Variants in DNAJC3 observed in about 807,000 individuals in gnomAD.
The protein encoded by DNAJC3 is DnaJ heat shock protein family (Hsp40) member C3.
In DNAJC3, 38 loss-of-function variants were observed where a neutral mutation model predicts 68.6. The observed-to-expected ratio is 0.55, with a 90% CI of 0.43 to 0.73. The LOEUF (loss-of-function observed/expected upper bound fraction) is 0.73, where lower values mean the gene tolerates loss of function less well. DNAJC3 is among the 30% of genes least tolerant of loss of function. DNAJC3 has a pLI of 0.00. For synonymous variants in DNAJC3, 203 were observed against 204.0 expected (o/e 1.00, Z 0.04); for missense variants, 526 against 591.9 (o/e 0.89, Z 1.16).
rs17883975 is a variant in DNAJC3, at chr13:95,761,401, G to C, written c.848+603G>C. Among the ~76,000 whole-genome samples, 233 of 152,292 alleles carry C rather than the reference G, an allele frequency of 1.5e-3. 1 individual carries two copies. Among genetic ancestry groups the C allele is most frequent in the African/African-American group, 5.3e-3 (221 of 41,558 alleles). The stretch of plus-strand genomic sequence containing the variant: ...AGGCTGGGCAGGAGGACTGAAAAGA[G>C]TAGAGGGCACTGCAGACAAAACTGC... On this transcript the variant is annotated intron_variant, in intron 7 of 11. Coordinates refer to ENST00000602402, the MANE Select transcript of DNAJC3 (RefSeq NM_006260.5).
intron 4 of DNAJC3, among the ~76,000 whole-genome samples, chr13:95,727,303 CTG>C (rs2139645331): frequency 6.6e-6 from 1 of 152,098 alleles, no homozygotes; most frequent in East Asian, 1.9e-4. Context: ...TTCTGGATAA[CTG>C]AGATCTTGGT....
At chr13:95,681,741 T>C (rs1471290608) in intron 1 of DNAJC3, among the ~76,000 whole-genome samples, 1 of 152,238 alleles carries the variant, frequency 6.6e-6, no homozygotes, top group Non-Finnish European at 1.5e-5. Flanking sequence ...ACTATGTCTA[T>C]TCTTGAAAAT....
chr13:95,726,368 C>T (rs1045989697), intron 4 of DNAJC3, among the ~76,000 whole-genome samples: 4 of 152,150 alleles, frequency 2.6e-5, no homozygotes, highest in African/African-American at 4.8e-5. Flanking sequence ...ATTGCCATTC[C>T]AACTGGTGTG....
chr13:95,727,392 C>T (rs891328620), intron 4 of DNAJC3, among the ~76,000 whole-genome samples: 2 of 152,212 alleles, frequency 1.3e-5, no homozygotes, highest in Admixed American at 6.5e-5. Flanking sequence ...GGTGGACTCT[C>T]ACAGACCTTC....
chr13:95,705,520 C>T (rs796664496), intron 1 of DNAJC3, among the ~76,000 whole-genome samples: 2,351 of 142,048 alleles, frequency 0.017, 64 homozygotes, highest in African/African-American at 0.059. Flanking sequence ...CTCTCTCTCT[C>T]TTTTTTTTTT....
chr13:95,762,080 C>T (rs1198544480), intron 7 of DNAJC3, among the ~76,000 whole-genome samples: 12 of 152,052 alleles, frequency 7.9e-5, no homozygotes, highest in Admixed American at 2.0e-4. Flanking sequence ...CTGACCAACA[C>T]GGAGAAACCC....
chr13:95,757,435 A>C (rs1442823698), intron 4 of DNAJC3, among the ~76,000 whole-genome samples: 1 of 152,010 alleles, frequency 6.6e-6, no homozygotes, highest in East Asian at 1.9e-4. Flanking sequence ...CTGAGTCTAG[A>C]TCTGTTGTTC....
Position 95,760,698 on chromosome 13 carries a change from A to C in DNAJC3, c.748A>C (p.Lys250Gln), listed in dbSNP as rs376364077. 6.2e-7 allele frequency: 1 copy of C among 1,611,046 alleles called. No homozygotes were observed. Among genetic ancestry groups the C allele is most frequent in the African/African-American group, 1.3e-5 (1 of 74,758 alleles). The change falls in exon 7 of 12, where the codon AAA becomes CAA. Residue 250 changes from lysine (K) to glutamine (Q), a missense_variant. Physicochemically the swap from Lys to Gln is moderately conservative, Grantham distance 53. Coordinates refer to ENST00000602402, the MANE Select transcript of DNAJC3 (RefSeq NM_006260.5). ...GAACAGTGAAGTTCGGGAATGTCTTAAACTTGACCAGGATCATAAAAGGTG... is the reference window on the plus strand; with the variant it reads ...GAACAGTGAAGTTCGGGAATGTCTTCAACTTGACCAGGATCATAAAAGGTG... Reference protein sequence around the residue: ...LSLSEVRECLKLDQDHKRCFA... With the variant: ...LSLSEVRECLQLDQDHKRCFA...
rs548506201 is a variant in DNAJC3 at position 95,677,159 on chromosome 13, G to T, written c.-97G>T. 9.9e-4 allele frequency: 1,158 copies of T among 1,163,850 alleles called. 9 individuals are homozygous for T. In the African/African-American group the frequency reaches 0.017, roughly 17 times the overall value. 72.1% of individuals were successfully genotyped at this position (1,163,850 alleles called of 1,614,324 possible). On this transcript the variant is annotated 5_prime_UTR_variant, in exon 1 of 12. Coordinates refer to ENST00000602402, the MANE Select transcript of DNAJC3 (RefSeq NM_006260.5). ...GCTCCAGAGCCACTGAGGCCTGAGC[G>T]AGAGCCGACGGCGGGCGGGCGCAGC...
chr13:95,683,784 C>G (rs78582977), intron 1 of DNAJC3, among the ~76,000 whole-genome samples: 1 of 150,226 alleles, frequency 6.7e-6, no homozygotes, highest in African/African-American at 2.5e-5. Flanking sequence ...AAAAAAAAAA[C>G]TTAGCCTGTT....
intron 2 of DNAJC3, among the ~76,000 whole-genome samples, chr13:95,719,285 T>C (rs73550583): frequency 0.017 from 2,594 of 152,334 alleles, 77 homozygotes; most frequent in African/African-American, 0.059. Flanking sequence ...TGGAAGTTCT[T>C]CCAAACCCTG....
chr13:95,741,415 G>C (rs1424289083), intron 4 of DNAJC3, among the ~76,000 whole-genome samples: 1 of 152,158 alleles, frequency 6.6e-6, no homozygotes, highest in Admixed American at 6.5e-5. Flanking sequence ...CTGGGGATGG[G>C]GATGTCAGAT....
At chr13:95,737,434 G>A (rs1881963446) in intron 4 of DNAJC3, among the ~76,000 whole-genome samples, 1 of 151,438 alleles carries the variant, frequency 6.6e-6, no homozygotes, top group African/African-American at 2.4e-5. Flanking sequence ...GAATTTGGCT[G>A]TGAATCCATC....
At chr13:95,692,396 T>C (rs1230787267) in intron 1 of DNAJC3, 1 of 152,264 alleles carries the variant, frequency 6.6e-6, no homozygotes, top group Non-Finnish European at 1.5e-5. Context: ...CATTATTGTG[T>C]GGCTATTGAT....
At chr13:95,771,282 G>A (rs1434274796) in intron 9 of DNAJC3, among the ~76,000 whole-genome samples, 2 of 152,068 alleles carry the variant, frequency 1.3e-5, no homozygotes, top group African/African-American at 2.4e-5. Context: ...ATACCCATGC[G>A]ACATGTTAAA....
intron 4 of DNAJC3, among the ~76,000 whole-genome samples, chr13:95,727,148 G>C (rs1009091671): frequency 1.3e-5 from 2 of 151,486 alleles, no homozygotes; most frequent in African/African-American, 2.4e-5. Flanking sequence ...TATAAAACAT[G>C]AGAATGTGTT....
intron 9 of DNAJC3, among the ~76,000 whole-genome samples, chr13:95,781,763 C>A (rs1883461605): frequency 6.6e-6 from 1 of 150,576 alleles, no homozygotes; most frequent in Non-Finnish European, 1.5e-5. Flanking sequence ...TTCTATTTTT[C>A]ATAGCTGTTC....
At chr13:95,746,904 T>C (rs1882321721) in intron 4 of DNAJC3, among the ~76,000 whole-genome samples, 2 of 152,206 alleles carry the variant, frequency 1.3e-5, no homozygotes, top group Admixed American at 1.3e-4. Context: ...CATAAAAGTA[T>C]CTCCTCAGGT....
At chr13:95,732,191 T>C (rs182381645) in intron 4 of DNAJC3, among the ~76,000 whole-genome samples, 2 of 152,312 alleles carry the variant, frequency 1.3e-5, no homozygotes, top group Admixed American at 1.3e-4. Context: ...TCTGGCCTCA[T>C]AGAATGAGTT....
Sources: gnomAD v4.1 joint callset for allele counts (sites outside exome capture counted in the v4.1 genomes callset) on GRCh38, gnomAD v4.1.1 for gene constraint, MANE v1.5 for transcripts, NCBI Gene and HGNC (gene_info 2026-07-23, HGNC 2026-07-21) for gene names.